Variants in ELOC observed in about 807,000 individuals in gnomAD.
ELOC encodes elongin C.
For missense variants in ELOC, 38 were observed against 139.0 expected (o/e 0.27, Z 3.65); for synonymous variants, 40 against 51.3 (o/e 0.78, Z 0.94).
rs1391346495 is a variant in ELOC at position 73,956,063 on chromosome 8, AAG to A, written c.5-11_5-10del. The A allele has an allele frequency of 6.2e-6, 10 of 1,607,774 alleles. No homozygotes were observed. In the African/African-American group the frequency reaches 1.3e-4, roughly 22 times the overall value. On this transcript the variant is annotated splice_polypyrimidine_tract_variant and intron_variant, in intron 2 of 3. Transcript: ENST00000520242. ...GGTTTTCTCCTCTCCATCTAAAGTA[AAG>A]TAAGTAGTGAAACAATTTTTGAGTC... is the stretch of plus-strand genomic sequence containing the variant.
Position 73,955,923 on chromosome 8 carries a change from A to G in ELOC, c.136T>C (p.Leu46=). The change falls in exon 3 of 4, where the codon TTG becomes CTG. Residue 46 remains leucine, a synonymous_variant. Transcript: ENST00000520242. ...ALTSGTIKAM[L]SGPGQFAENE... Reference sequence around the variant, plus strand: ...GAACTGTGCTTACCTGGGCCACTCAACATGGCTTTTATCGTGCCTGATGTT... The same window carrying G: ...GAACTGTGCTTACCTGGGCCACTCAGCATGGCTTTTATCGTGCCTGATGTT... The G allele has an allele frequency of 6.2e-7, 1 of 1,613,008 alleles. No homozygotes were observed. The highest frequency in any genetic ancestry group is 8.5e-7 in the Non-Finnish European group (1 of 1,179,092).
chr8:73,971,364 G>T (rs1293868729), intron 1 of ELOC, among the ~76,000 whole-genome samples: 1 of 152,174 alleles, frequency 6.6e-6, no homozygotes, highest in African/African-American at 2.4e-5. Flanking sequence ...ACGAACCACT[G>T]CACTCTAGCC....
In ELOC at chr8:73,951,647, C is replaced by A. The variant is rs1025858286; in HGVS notation, c.148+4264G>T. Among the ~76,000 whole-genome samples, 8 of 149,918 alleles carry A rather than the reference C, an allele frequency of 5.3e-5. No homozygotes were observed. The South Asian group carries it at 8.5e-4, about 16-fold the overall frequency. On this transcript the variant is annotated intron_variant, in intron 3 of 3. Coordinates refer to ENST00000520242, the MANE Select transcript of ELOC (RefSeq NM_005648.4). ...TCAAAAACAAACAAACAAAAAACCCCACAACAACAACAACAACAACAACAA... is the reference window on the plus strand; with the variant it reads ...TCAAAAACAAACAAACAAAAAACCCAACAACAACAACAACAACAACAACAA...
intron 2 of ELOC, among the ~76,000 whole-genome samples, chr8:73,958,885 C>T (rs1423295697): frequency 2.0e-5 from 3 of 152,092 alleles, no homozygotes; most frequent in South Asian, 2.1e-4. Context: ...TGCAAACATC[C>T]TAAGAGTGTA....
At chr8:73,965,502 T>TA (rs1814913624) in intron 1 of ELOC, among the ~76,000 whole-genome samples, 1 of 152,138 alleles carries the variant, frequency 6.6e-6, no homozygotes, top group Non-Finnish European at 1.5e-5. Flanking sequence ...AATACTACAC[T>TA]AAGTGGACAA....
Position 73,960,873 on chromosome 8 carries a change from T to G in ELOC, c.-50-1055A>C, listed in dbSNP as rs80004698. On this transcript the variant is annotated intron_variant, in intron 1 of 3. Coordinates refer to ENST00000520242, the MANE Select transcript of ELOC (RefSeq NM_005648.4). ...ACACCTGTAATCCCAGCACTTTGGATGGCTGAGGCAGGAGTACTGCCTGAA... is the reference window on the plus strand; with the variant it reads ...ACACCTGTAATCCCAGCACTTTGGAGGGCTGAGGCAGGAGTACTGCCTGAA... 7.9e-4 allele frequency among the ~76,000 whole-genome samples: 121 copies of G among 152,226 alleles called. 2 individuals carry two copies. The East Asian group carries it at 0.021, about 27-fold the overall frequency.
At chr8:73,971,532 A>G (rs1380969830) in intron 1 of ELOC, among the ~76,000 whole-genome samples, 1 of 152,154 alleles carries the variant, frequency 6.6e-6, no homozygotes, top group Non-Finnish European at 1.5e-5. Context: ...GAGAAACTCA[A>G]TGGGCACAGT....
At chr8:73,955,220 G>C (rs924992013) in intron 3 of ELOC, among the ~76,000 whole-genome samples, 2 of 152,112 alleles carry the variant, frequency 1.3e-5, no homozygotes, top group African/African-American at 4.8e-5. Context: ...TGTAATCCCC[G>C]CACTTTGCGA....
chr8:73,970,878 A>AC (rs1815326537), intron 1 of ELOC, among the ~76,000 whole-genome samples: 1 of 148,526 alleles, frequency 6.7e-6, no homozygotes, highest in Non-Finnish European at 1.5e-5. Flanking sequence ...ACAAAAAAAA[A>AC]ACAAAATTAG....
chr8:73,956,094 C>G, intron 2 of ELOC, 40 bp from the exon 3 acceptor site: 1 of 1,594,554 alleles, frequency 6.3e-7, no homozygotes, highest in Non-Finnish European at 8.6e-7. Flanking sequence ...TTGAGTCACA[C>G]AGTGTACTAA....
chr8:73,964,484 T>C (rs1376299923), intron 1 of ELOC: 1 of 152,118 alleles, frequency 6.6e-6, no homozygotes, highest in Non-Finnish European at 1.5e-5. Flanking sequence ...ATTATTTTCA[T>C]ACCCTCACTG....
rs1200675238 is a variant in ELOC, at chr8:73,953,771, G to GA, written c.148+2139dup. On this transcript the variant is annotated intron_variant, in intron 3 of 3. Transcript: ENST00000520242. ...AAATGTAAAACAATTCAGCCACCGT[G>GA]AAACAGTTCTGTGGCTCCTCCAAAA... 2.6e-5 allele frequency among the ~76,000 whole-genome samples: 4 copies of GA among 152,246 alleles called. No individual in the cohort carries two copies. In the East Asian group the frequency reaches 7.7e-4, roughly 29 times the overall value.
In ELOC at chr8:73,951,921, G is replaced by C. The variant is rs529089109; in HGVS notation, c.148+3990C>G. The stretch of plus-strand genomic sequence containing the variant: ...TGATTTTCAACAAGGGTGCTATGGG[G>C]AAACGGTCTCTTCAATAAATGGTAG... On this transcript the variant is annotated intron_variant, in intron 3 of 3. Coordinates refer to ENST00000520242, the MANE Select transcript of ELOC (RefSeq NM_005648.4). Among the ~76,000 whole-genome samples the C allele has an allele frequency of 2.6e-5, 4 of 152,268 alleles. No individual in the cohort carries two copies. In the South Asian group the frequency reaches 8.3e-4, roughly 32 times the overall value.
chr8:73,946,028 T>C lies in ELOC; in HGVS notation c.*602A>G, dbSNP rs530627437. ...CAGTTTCTTCTGCAAAAGCTGTACCTAGTAACCTTCCAAAATTGTTTTTAA... is the reference window on the plus strand; with the variant it reads ...CAGTTTCTTCTGCAAAAGCTGTACCCAGTAACCTTCCAAAATTGTTTTTAA... On this transcript the variant is annotated 3_prime_UTR_variant, in exon 4 of 4. Transcript: ENST00000520242. 1.3e-5 allele frequency: 2 copies of C among 152,364 alleles called. No individual in the cohort carries two copies. The highest frequency in any genetic ancestry group is 6.5e-5 in the Admixed American group (1 of 15,294). 9.4% of individuals were successfully genotyped at this position (152,364 alleles called of 1,614,324 possible). A position where few individuals can be genotyped will look rare whatever the true frequency, so the allele number is the denominator to read the frequency against.
At chr8:73,954,443 G>C (rs965461201) in intron 3 of ELOC, among the ~76,000 whole-genome samples, 2 of 152,060 alleles carry the variant, frequency 1.3e-5, no homozygotes, top group East Asian at 3.9e-4. Flanking sequence ...CGGATCACAA[G>C]GTCAGATCGA....
At chr8:73,952,116 A>C (rs1305619886) in intron 3 of ELOC, among the ~76,000 whole-genome samples, 2 of 152,220 alleles carry the variant, frequency 1.3e-5, no homozygotes, top group Non-Finnish European at 2.9e-5. Context: ...TATATATGAC[A>C]CAAAAACCAA....
At chr8:73,971,032 C>CAAAAAAAAAAAAAAAAAAAAAA (rs67188912) in intron 1 of ELOC, among the ~76,000 whole-genome samples, 1 of 62,034 alleles carries the variant, frequency 1.6e-5, no homozygotes, top group Non-Finnish European at 3.0e-5. Context: ...GACTCCGTCT[C>CAAAAAAAAAAAAAAAAAAAAAA]AAAAAAAAAA....
At chr8:73,970,450 C>A (rs1278418890) in intron 1 of ELOC, 1 of 152,150 alleles carries the variant, frequency 6.6e-6, no homozygotes, top group Non-Finnish European at 1.5e-5. Context: ...GCAATGCATA[C>A]ACGTGTATTT....
intron 1 of ELOC, among the ~76,000 whole-genome samples, chr8:73,962,887 A>C (rs1443073877): frequency 6.6e-6 from 1 of 152,228 alleles, no homozygotes; most frequent in East Asian, 1.9e-4. Flanking sequence ...TCTTAGGTAG[A>C]AGTTAGAAAT....
Sources: gnomAD v4.1 joint callset for allele counts (sites outside exome capture counted in the v4.1 genomes callset) on GRCh38, gnomAD v4.1.1 for gene constraint, MANE v1.5 for transcripts, NCBI Gene and HGNC (gene_info 2026-07-23, HGNC 2026-07-21) for gene names.